The following SERPINI2 variants were observed in gnomAD, a reference collection of about 807,000 sequenced individuals.
SERPINI2 encodes serpin family I member 2.
A neutral mutation model predicts 47.3 loss-of-function variants in SERPINI2; 48 were observed. The ratio of observed to expected loss-of-function variants is 1.02; its 90% CI spans 0.81 to 1.29. The LOEUF (loss-of-function observed/expected upper bound fraction) is 1.29, where lower values mean the gene tolerates loss of function less well. Ranked by LOEUF, SERPINI2 falls within the 50% of genes most tolerant of loss-of-function variation. The pLI is 0.00. For missense variants in SERPINI2, 448 were observed against 456.9 expected, an observed-to-expected ratio of 0.98 and a Z score of 0.18; for synonymous variants, 135 against 149.3, an observed-to-expected ratio of 0.90 and a Z score of 0.70.
chr3:167,442,046 C>T (rs9844202), exon 9 of SERPINI2: 149,197 of 1,272,632 alleles, frequency 0.12, 13,486 homozygotes, highest in African/African-American at 0.4. Context: ...GTCAAGATGA[C>T]GATATTTTGC....
In SERPINI2 at chr3:167,446,165, A is replaced by C. The variant is rs1199966022; in HGVS notation, c.1141+227T>G. 3.3e-5 allele frequency among the ~76,000 whole-genome samples: 5 copies of C among 152,312 alleles called. No homozygotes were observed. The East Asian group carries it at 9.6e-4, about 29-fold the overall frequency. Reference sequence around the variant, plus strand: ...AGTGGTTTTAGCTTTACTGATGGTTATATGAAATGGCTACCGCATATAGTA... The same window carrying C: ...AGTGGTTTTAGCTTTACTGATGGTTCTATGAAATGGCTACCGCATATAGTA... On this transcript the variant is annotated intron_variant, in intron 8 of 8. Transcript: ENST00000264677.
chr3:167,475,029 T>A (rs935058748), upstream of SERPINI2, among the ~76,000 whole-genome samples: 25 of 151,752 alleles, frequency 1.6e-4, no homozygotes, highest in African/African-American at 5.6e-4. Context: ...TCTTTCCATG[T>A]CCTAACATGG....
chr3:167,473,487 C>T (rs1464490789), intron 1 of SERPINI2, among the ~76,000 whole-genome samples: 2 of 151,436 alleles, frequency 1.3e-5, no homozygotes, highest in Non-Finnish European at 3.0e-5. Context: ...TTTAAGTTAT[C>T]AACTGGAAAT....
chr3:167,442,222 T>C, intron 8 of SERPINI2, 37 bp from the exon 9 acceptor site: 1 of 1,448,332 alleles, frequency 6.9e-7, no homozygotes, highest in Non-Finnish European at 9.4e-7. Context: ...ACTTTAGGAA[T>C]TTCAGGAGAA....
rs564464901 is a variant in SERPINI2 at position 167,468,168 on chromosome 3, G to A, written c.248-883C>T. ...CTCTATTTCAAATAGGTTCTTTCTGGGCCTTCATTATATTTTCAGTTAAAT... is the reference window on the plus strand; with the variant it reads ...CTCTATTTCAAATAGGTTCTTTCTGAGCCTTCATTATATTTTCAGTTAAAT... On this transcript the variant is annotated intron_variant, in intron 2 of 8. Coordinates refer to ENST00000264677, the Ensembl canonical transcript of SERPINI2. 2.0e-5 allele frequency among the ~76,000 whole-genome samples: 3 copies of A among 151,812 alleles called. No individual in the cohort carries two copies. In the South Asian group the frequency reaches 6.3e-4, roughly 32 times the overall value.
At chr3:167,471,507 C>A in intron 2 of SERPINI2, 81 bp downstream of exon 2, 1 of 1,347,444 alleles carries the variant, frequency 7.4e-7, no homozygotes. Flanking sequence ...ATTAAAATTT[C>A]TTTATCCTGA....
intron 2 of SERPINI2, chr3:167,469,264 G>A (rs1031536114): frequency 6.6e-6 from 1 of 152,162 alleles, no homozygotes; most frequent in African/African-American, 2.4e-5. Flanking sequence ...TGTGGCTCTT[G>A]ATTTGATTGT....
chr3:167,454,110 C>T (rs145001314), intron 5 of SERPINI2, among the ~76,000 whole-genome samples: 17 of 152,318 alleles, frequency 1.1e-4, no homozygotes, highest in South Asian at 8.3e-4. Flanking sequence ...AGAATGCATA[C>T]GCTAGTGCTC....
chr3:167,445,689 G>A (rs7612925), intron 8 of SERPINI2, among the ~76,000 whole-genome samples: 29,064 of 152,054 alleles, frequency 0.19, 4,126 homozygotes, highest in African/African-American at 0.39. Context: ...TATGACTGCT[G>A]AAGGATCCTA....
chr3:167,476,051 G>A (rs1393048849), upstream of SERPINI2, among the ~76,000 whole-genome samples: 1 of 143,834 alleles, frequency 7.0e-6, no homozygotes, highest in Non-Finnish European at 1.5e-5. Flanking sequence ...ATAGGAAAAT[G>A]TTCTGACAAA....
intron 5 of SERPINI2, among the ~76,000 whole-genome samples, chr3:167,459,241 A>AT (rs1400785335): frequency 1.3e-5 from 2 of 151,314 alleles, no homozygotes; most frequent in Non-Finnish European, 2.9e-5. Context: ...TGCCCGGCTA[A>AT]TTTTTTGTAT....
intron 5 of SERPINI2, among the ~76,000 whole-genome samples, chr3:167,461,004 G>A (rs894413175): frequency 2.0e-5 from 3 of 152,166 alleles, no homozygotes; most frequent in African/African-American, 7.2e-5. Context: ...AATGTAATAA[G>A]TGCTATGATG....
At chr3:167,447,408 T>C (rs916204779) in intron 7 of SERPINI2, among the ~76,000 whole-genome samples, 1 of 152,224 alleles carries the variant, frequency 6.6e-6, no homozygotes, top group Admixed American at 6.5e-5. Flanking sequence ...AGTGAATACT[T>C]GGACTTTTTT....
intron 5 of SERPINI2, among the ~76,000 whole-genome samples, chr3:167,457,971 C>T (rs988931077): frequency 6.6e-6 from 1 of 152,106 alleles, no homozygotes; most frequent in Non-Finnish European, 1.5e-5. Flanking sequence ...GACAAGTTAT[C>T]CAGGGTGAAC....
intron 7 of SERPINI2, among the ~76,000 whole-genome samples, chr3:167,447,970 T>A (rs1013435742): frequency 2.0e-5 from 3 of 152,362 alleles, no homozygotes; most frequent in African/African-American, 7.2e-5. Flanking sequence ...AATTAATAAA[T>A]GAATATCAAT....
Position 167,469,077 on chromosome 3 carries a change from G to A in SERPINI2, c.248-1792C>T, listed in dbSNP as rs953841357. 2.6e-5 allele frequency among the ~76,000 whole-genome samples: 4 copies of A among 152,112 alleles called. No individual in the cohort carries two copies. The South Asian group carries it at 6.2e-4, about 24-fold the overall frequency. On this transcript the variant is annotated intron_variant, in intron 2 of 8. Transcript: ENST00000264677. The stretch of plus-strand genomic sequence containing the variant: ...AAGTCAATGAAAAAAATGTCACTAA[G>A]TAGTACAAGTTTGGAGAAGAATATA...
Position 167,454,200 on chromosome 3 carries a change from TG to T in SERPINI2, c.867-1168del, listed in dbSNP as rs140764325. Among the ~76,000 whole-genome samples, 937 of 152,352 alleles carry T rather than the reference TG, an allele frequency of 6.2e-3. 8 individuals carry two copies. The highest frequency in any genetic ancestry group is 0.021 in the African/African-American group (891 of 41,582). On this transcript the variant is annotated intron_variant, in intron 5 of 8. Coordinates refer to ENST00000264677, the Ensembl canonical transcript of SERPINI2. ...GGGGCAATCAGTCTAATTAGATCAT[TG>T]TTTTAATTGGAAATACTGAATGAGC...
At chr3:167,457,929 G>T (rs1175503645) in intron 5 of SERPINI2, among the ~76,000 whole-genome samples, 3 of 152,264 alleles carry the variant, frequency 2.0e-5, no homozygotes, top group South Asian at 4.2e-4. Flanking sequence ...TGGCAGGGGT[G>T]GGGGATAAAT....
rs1749648313 is a variant in SERPINI2 at position 167,451,794 on chromosome 3, A to T, written c.964+1142T>A. Reference sequence around the variant, plus strand: ...GAGTGATCTCCCTATGGCCAGAAAGAAGTTTAAGAAAAGGAAGTGCATGAA... The same window carrying T: ...GAGTGATCTCCCTATGGCCAGAAAGTAGTTTAAGAAAAGGAAGTGCATGAA... On this transcript the variant is annotated intron_variant, in intron 6 of 8. Coordinates refer to ENST00000264677, the Ensembl canonical transcript of SERPINI2. 2.0e-5 allele frequency among the ~76,000 whole-genome samples: 3 copies of T among 152,302 alleles called. No individual in the cohort carries two copies. The South Asian group carries it at 6.2e-4, about 32-fold the overall frequency.
Sources: gnomAD v4.1 joint callset for allele counts (sites outside exome capture counted in the v4.1 genomes callset) on GRCh38, gnomAD v4.1.1 for gene constraint, MANE v1.5 for transcripts, NCBI Gene and HGNC (gene_info 2026-07-23, HGNC 2026-07-21) for gene names.